COG5: variants seen among roughly 807,000 people sequenced by gnomAD.
COG5 encodes conserved oligomeric Golgi complex subunit 5.
COG5 carries 86 observed loss-of-function variants against 110.4 expected under a neutral mutation model. The ratio of observed to expected loss-of-function variants is 0.78; its 90% CI spans 0.65 to 0.93. COG5 has a LOEUF of 0.93. Ranked by LOEUF, COG5 falls within the 40% of genes least tolerant of loss-of-function variation. COG5 has a pLI of 0.00. For missense variants in COG5, 1,077 were observed against 987.0 expected, an observed-to-expected ratio of 1.09 and a Z score of -1.22; for synonymous variants, 360 against 334.6, an observed-to-expected ratio of 1.08 and a Z score of -0.83.
rs557389223 is a variant in COG5, at chr7:107,307,092, C to T, written c.1109-8746G>A. ...TCTATAAACTATTCATTTGCAGCCA[C>T]TGTCCTGTTGCTCCTTGTAATAACA... is the stretch of plus-strand genomic sequence containing the variant. On this transcript the variant is annotated intron_variant, in intron 11 of 21. Coordinates refer to ENST00000297135, the MANE Select transcript of COG5 (RefSeq NM_006348.5). 3.3e-5 allele frequency among the ~76,000 whole-genome samples: 5 copies of T among 152,350 alleles called. No individual in the cohort carries two copies. In the East Asian group the frequency reaches 5.8e-4, roughly 18 times the overall value.
At chr7:107,210,022 A>G in intron 21 of COG5, 2 of 1,007,188 alleles carry the variant, frequency 2.0e-6, no homozygotes, top group African/African-American at 1.7e-5. Flanking sequence ...TGTGGGCAAG[A>G]GCACATGCGT....
intron 6 of COG5, among the ~76,000 whole-genome samples, chr7:107,415,599 AAAT>A (rs1358092766): frequency 2.6e-5 from 4 of 151,940 alleles, no homozygotes; most frequent in African/African-American, 7.2e-5. Flanking sequence ...TTCTGGGAAT[AAAT>A]AATAATTTTA....
intron 7 of COG5, among the ~76,000 whole-genome samples, chr7:107,377,920 T>C (rs769040353): frequency 1.3e-5 from 2 of 152,146 alleles, no homozygotes; most frequent in Non-Finnish European, 2.9e-5. Flanking sequence ...CAAGCTCTGC[T>C]AAGGGACAGA....
chr7:107,303,301 A>G (rs1807439195), intron 11 of COG5, among the ~76,000 whole-genome samples: 1 of 152,192 alleles, frequency 6.6e-6, no homozygotes, highest in South Asian at 2.1e-4. Flanking sequence ...GGTTTAAGCC[A>G]AACTTTGTCT....
chr7:107,506,720 G>A (rs1253698174), intron 6 of COG5, among the ~76,000 whole-genome samples: 1 of 152,122 alleles, frequency 6.6e-6, no homozygotes, highest in Non-Finnish European at 1.5e-5. Flanking sequence ...TTCCCTGCGG[G>A]AAAACAGGAA....
chr7:107,461,311 A>G (rs1274837786), intron 6 of COG5, among the ~76,000 whole-genome samples: 1 of 152,146 alleles, frequency 6.6e-6, no homozygotes, highest in Non-Finnish European at 1.5e-5. Flanking sequence ...GTAATTTATC[A>G]TGTTACTAGA....
chr7:107,560,383 T>G (rs749762838), intron 1 of COG5, among the ~76,000 whole-genome samples: 2 of 152,144 alleles, frequency 1.3e-5, no homozygotes, highest in Non-Finnish European at 2.9e-5. Flanking sequence ...AGTGACAAAT[T>G]TGACAAATAT....
intron 10 of COG5, among the ~76,000 whole-genome samples, chr7:107,325,245 T>A (rs1809662396): frequency 2.0e-5 from 3 of 152,234 alleles, no homozygotes; most frequent in Admixed American, 2.0e-4. Flanking sequence ...ATCACACTCT[T>A]AGAAATTTTG....
chr7:107,385,853 T>C (rs1013272018), intron 7 of COG5, among the ~76,000 whole-genome samples: 1 of 151,118 alleles, frequency 6.6e-6, no homozygotes. Flanking sequence ...GGAGGTAATA[T>C]CCCATTGTGG....
rs552537090 is a variant in COG5 at position 107,243,336 on chromosome 7, A to T, written c.1853+5060T>A. ...AGACCCTCCTGGCTAACACGGTGAA[A>T]CCCCGTCTCTACTAAACATACAAAA... On this transcript the variant is annotated intron_variant, in intron 17 of 21. Transcript: ENST00000297135. Among the ~76,000 whole-genome samples, 15 of 151,756 alleles carry T rather than the reference A, an allele frequency of 9.9e-5. No individual in the cohort carries two copies. The East Asian group carries it at 2.7e-3, about 28-fold the overall frequency.
At chr7:107,230,915 T>TAA (rs60826700) in intron 18 of COG5, among the ~76,000 whole-genome samples, 1 of 150,438 alleles carries the variant, frequency 6.6e-6, no homozygotes, top group Non-Finnish European at 1.5e-5. Flanking sequence ...TTCATGAAAA[T>TAA]AAAAAAAAAA....
chr7:107,237,986 T>A (rs1166701491), intron 17 of COG5, among the ~76,000 whole-genome samples: 1 of 152,300 alleles, frequency 6.6e-6, no homozygotes, highest in East Asian at 1.9e-4. Flanking sequence ...TTTTTTAATG[T>A]TTATTTTTGA....
chr7:107,529,354 G>A (rs1331875220), intron 5 of COG5, among the ~76,000 whole-genome samples: 1 of 152,174 alleles, frequency 6.6e-6, no homozygotes, highest in African/African-American at 2.4e-5. Flanking sequence ...CTGATAAATT[G>A]GCAGCCAGTG....
chr7:107,285,452 A>G (rs1805551398), intron 12 of COG5, among the ~76,000 whole-genome samples: 1 of 152,184 alleles, frequency 6.6e-6, no homozygotes, highest in African/African-American at 2.4e-5. Flanking sequence ...TACAATGTCA[A>G]ACATCTTTTC....
chr7:107,424,708 C>G (rs565086967), intron 6 of COG5, among the ~76,000 whole-genome samples: 2 of 152,122 alleles, frequency 1.3e-5, no homozygotes, highest in Non-Finnish European at 2.9e-5. Flanking sequence ...ATTAATTCTA[C>G]ATTTACATTA....
intron 19 of COG5, among the ~76,000 whole-genome samples, chr7:107,220,124 A>G (rs941656119): frequency 1.3e-5 from 2 of 152,228 alleles, no homozygotes; most frequent in Non-Finnish European, 2.9e-5. Flanking sequence ...CCTCTTTTAG[A>G]ATATCAGCTG....
intron 6 of COG5, among the ~76,000 whole-genome samples, chr7:107,485,653 C>A (rs1797617142): frequency 6.6e-6 from 1 of 152,022 alleles, no homozygotes; most frequent in Non-Finnish European, 1.5e-5. Context: ...AGTCTTTTAT[C>A]TTGTAAGCAC....
At chr7:107,369,747 G>A (rs1025505260) in intron 8 of COG5, among the ~76,000 whole-genome samples, 24 of 152,106 alleles carry the variant, frequency 1.6e-4, no homozygotes, top group African/African-American at 5.6e-4. Flanking sequence ...TTCTTAGAAA[G>A]TATAACATCA....
Position 107,392,048 on chromosome 7 carries a change from G to A in COG5, c.670-19288C>T, listed in dbSNP as rs543870347. 6.1e-4 allele frequency among the ~76,000 whole-genome samples: 93 copies of A among 151,992 alleles called. 1 individual carries two copies. The highest frequency in any genetic ancestry group is 1.4e-3 in the Admixed American group (21 of 15,290). ...GGAGGTTGCAGTGAGCTGAGATTGC[G>A]CCACTGCACTCCAGCCTGGGCAGCA... On this transcript the variant is annotated intron_variant, in intron 7 of 21. Coordinates refer to ENST00000297135, the MANE Select transcript of COG5 (RefSeq NM_006348.5).
Sources: allele counts gnomAD v4.1 joint callset (sites outside exome capture counted in the v4.1 genomes callset), GRCh38; gene constraint gnomAD v4.1.1; transcripts MANE v1.5; gene names NCBI Gene and HGNC (gene_info 2026-07-23, HGNC 2026-07-21).